PPP4R3B: variants seen among roughly 807,000 people sequenced by gnomAD.
PPP4R3B encodes the protein serine/threonine-protein phosphatase 4 regulatory subunit 3B.
PPP4R3B carries 52 observed loss-of-function variants against 95.4 expected under a neutral mutation model. The observed-to-expected ratio is 0.54, with a 90% CI of 0.44 to 0.69. The LOEUF (loss-of-function observed/expected upper bound fraction) is 0.69, where lower values mean the gene tolerates loss of function less well. PPP4R3B is among the 30% of genes least tolerant of loss of function. The pLI, the probability that PPP4R3B is intolerant of heterozygous loss-of-function variation, is 0.00. For synonymous variants in PPP4R3B, 407 were observed against 343.9 expected (o/e 1.18, Z -2.03); for missense variants, 1,003 against 1,005.9 (o/e 1.00, Z 0.04).
chr2:55,606,592 C>T (rs570418202), intron 2 of PPP4R3B, among the ~76,000 whole-genome samples: 12 of 151,978 alleles, frequency 7.9e-5, no homozygotes, highest in African/African-American at 1.2e-4. Context: ...GAGGCCGAGG[C>T]GGGCGGATCA....
At chr2:55,584,582 T>G (rs1439019407) in intron 7 of PPP4R3B, among the ~76,000 whole-genome samples, 1 of 152,200 alleles carries the variant, frequency 6.6e-6, no homozygotes, top group Non-Finnish European at 1.5e-5. Flanking sequence ...CACTTATGAG[T>G]TGAGAACATA....
intron 1 of PPP4R3B, chr2:55,616,717 CGT>C (rs1363545037): frequency 6.5e-6 from 1 of 152,818 alleles, no homozygotes; most frequent in African/African-American, 2.4e-5. Context: ...ACCTGGGGCC[CGT>C]TGGTACAATT....
chr2:55,586,118 T>C (rs1229828681), intron 6 of PPP4R3B, among the ~76,000 whole-genome samples: 2 of 152,198 alleles, frequency 1.3e-5, no homozygotes, highest in East Asian at 3.8e-4. Context: ...TTGATTTCAA[T>C]CTCAAGAAAA....
chr2:55,586,698 T>G lies in PPP4R3B; in HGVS notation c.1036A>C (p.Thr346Pro). The change falls in exon 6 of 17, where the codon ACA becomes CCA. Residue 346 changes from threonine (T) to proline (P), a missense_variant. By Grantham distance (38) the Thr-to-Pro change is conservative (BLOSUM62 -1). Transcript: ENST00000616407. ...FFKEFCAFSQTLQPQNRDAFF... is the reference protein window; with the variant it reads ...FFKEFCAFSQPLQPQNRDAFF... ...GCATCCCTGTTTTGAGGTTGTAATGTCTGAGAAAATGCACAAAACTCCTTG... is the reference window on the plus strand; with the variant it reads ...GCATCCCTGTTTTGAGGTTGTAATGGCTGAGAAAATGCACAAAACTCCTTG... 1 of 1,605,470 alleles carries G rather than the reference T, an allele frequency of 6.2e-7. No individual in the cohort carries two copies. The highest frequency in any genetic ancestry group is 1.1e-5 in the South Asian group (1 of 88,522).
Position 55,581,615 on chromosome 2 carries a change from T to A in PPP4R3B, c.1317A>T (p.Gly439=). Residue 439 remains glycine, a synonymous_variant, in exon 8 of 17, where the codon GGA becomes GGT. Transcript: ENST00000616407. The part of the protein sequence containing the change: ...PELGGAVQLM[G]LLRTLIDPEN... ...CTGGATCAATTAGAGTACGAAGAAGTCCCATTAACTGAACAGCGCCTCCTA... is the reference window on the plus strand; with the variant it reads ...CTGGATCAATTAGAGTACGAAGAAGACCCATTAACTGAACAGCGCCTCCTA... The A allele has an allele frequency of 6.2e-7, 1 of 1,613,530 alleles. No individual in the cohort carries two copies. Among genetic ancestry groups the A allele is most frequent in the South Asian group, 1.1e-5 (1 of 91,038 alleles).
intron 4 of PPP4R3B, among the ~76,000 whole-genome samples, chr2:55,596,833 G>A (rs1311359096): frequency 6.6e-6 from 1 of 152,234 alleles, no homozygotes; most frequent in Non-Finnish European, 1.5e-5. Context: ...GTGTGGTGGC[G>A]TGTGCCTGTA....
At chr2:55,575,831 T>G (rs1688595415) in intron 11 of PPP4R3B, among the ~76,000 whole-genome samples, 1 of 152,240 alleles carries the variant, frequency 6.6e-6, no homozygotes, top group Admixed American at 6.5e-5. Context: ...CTATTTTATT[T>G]GAGATTATAT....
At chr2:55,599,157 GC>G in intron 3 of PPP4R3B, 118 bp from the exon 4 acceptor site, 1 of 963,112 alleles carries the variant, frequency 1.0e-6, no homozygotes, top group Non-Finnish European at 1.5e-6. Context: ...TGAAGTCTAG[GC>G]CAGGCACGGT....
chr2:55,587,471 C>T (rs902563068), intron 5 of PPP4R3B, among the ~76,000 whole-genome samples: 1 of 152,210 alleles, frequency 6.6e-6, no homozygotes, highest in Non-Finnish European at 1.5e-5. Flanking sequence ...GTAATCACAG[C>T]TACTCAGGAG....
chr2:55,591,939 T>C (rs1462780324), intron 4 of PPP4R3B, among the ~76,000 whole-genome samples: 5 of 152,246 alleles, frequency 3.3e-5, no homozygotes, highest in African/African-American at 1.2e-4. Context: ...TAATCTCTTT[T>C]AGTTTTTCTT....
chr2:55,615,593 G>A lies in PPP4R3B; in HGVS notation c.143-87C>T. The A allele has an allele frequency of 9.0e-6, 8 of 886,820 alleles. No individual in the cohort carries two copies. In the South Asian group the frequency reaches 1.1e-4, roughly 12 times the overall value. The allele number at this position is 886,820 out of a possible 1,614,324, so 54.9% of individuals were successfully genotyped here. On this transcript the variant is annotated intron_variant, in intron 1 of 16. Transcript: ENST00000616407. Reference sequence around the variant, plus strand: ...AATACACATTAAAGCCGGGCGCAGTGGCTCACGTCTGTAATCCTAGCACTT... The same window carrying A: ...AATACACATTAAAGCCGGGCGCAGTAGCTCACGTCTGTAATCCTAGCACTT...
chr2:55,591,691 T>C (rs991130765), intron 4 of PPP4R3B: 10 of 977,632 alleles, frequency 1.0e-5, no homozygotes, highest in Middle Eastern at 5.3e-4. Context: ...AGCTGATAAG[T>C]AGAACTGCAT....
chr2:55,598,368 AACTAAAT>A lies in PPP4R3B; in HGVS notation c.921+41_921+47del, dbSNP rs763977582. 3 of 1,569,862 alleles carry A rather than the reference AACTAAAT, an allele frequency of 1.9e-6. No individual in the cohort carries two copies. In the South Asian group the frequency reaches 3.6e-5, roughly 19 times the overall value. ...AAACACCTGCTTGAACTATTAAGGG[AACTAAAT>A]ATCTGAAAAATGGAATCGTGAAGAG... is the stretch of plus-strand genomic sequence containing the variant. On this transcript the variant is annotated intron_variant, in intron 4 of 16. Coordinates refer to ENST00000616407, the MANE Select transcript of PPP4R3B (RefSeq NM_001122964.3).
At chr2:55,562,996 C>T (rs1446785572) in intron 15 of PPP4R3B, among the ~76,000 whole-genome samples, 4 of 152,162 alleles carry the variant, frequency 2.6e-5, no homozygotes, top group Non-Finnish European at 2.9e-5. Flanking sequence ...GGTGTCCAAT[C>T]CCTTTTAACA....
chr2:55,614,154 T>G (rs1478237781), intron 2 of PPP4R3B: 3 of 152,210 alleles, frequency 2.0e-5, no homozygotes, highest in Non-Finnish European at 2.9e-5. Context: ...GTTCTAACAG[T>G]AAGACTTTGT....
chr2:55,568,704 G>C (rs1489976179), intron 12 of PPP4R3B, among the ~76,000 whole-genome samples: 1 of 152,198 alleles, frequency 6.6e-6, no homozygotes, highest in East Asian at 1.9e-4. Context: ...AAAATCCATA[G>C]ACTGCAAATG....
At chr2:55,606,840 A>G (rs1018496248) in intron 2 of PPP4R3B, among the ~76,000 whole-genome samples, 11 of 151,508 alleles carry the variant, frequency 7.3e-5, no homozygotes. Flanking sequence ...AAAAAAAAAA[A>G]AAGTAAAAAA....
At chr2:55,615,742 C>T (rs1694805076) in intron 1 of PPP4R3B, among the ~76,000 whole-genome samples, 1 of 149,390 alleles carries the variant, frequency 6.7e-6, no homozygotes, top group Non-Finnish European at 1.5e-5. Context: ...GTCCCAGGTA[C>T]ACGGGAGGGT....
Position 55,604,031 on chromosome 2 carries a change from G to C in PPP4R3B, c.244C>G (p.Leu82Val). The change falls in exon 3 of 17, where the codon CTG becomes GTG. Residue 82 changes from leucine (L) to valine (V), a missense_variant. Coordinates refer to ENST00000616407, the MANE Select transcript of PPP4R3B (RefSeq NM_001122964.3). ...WSEAENYDLA[L>V]SFQEKAGCDE... The stretch of plus-strand genomic sequence containing the variant: ...CAGCCAGCTTTCTCCTGAAAACTCA[G>C]AGCCAAATCATAGTTCTCTGCTTCT... 1.2e-6 allele frequency: 2 copies of C among 1,610,186 alleles called. No homozygotes were observed. The highest frequency in any genetic ancestry group is 1.7e-6 in the Non-Finnish European group (2 of 1,178,536).
Sources: gnomAD v4.1 joint callset for allele counts (sites outside exome capture counted in the v4.1 genomes callset) on GRCh38, gnomAD v4.1.1 for gene constraint, MANE v1.5 for transcripts, NCBI Gene and HGNC (gene_info 2026-07-23, HGNC 2026-07-21) for gene names.